PSMA1: variants seen among roughly 807,000 people sequenced by gnomAD.
PSMA1 encodes proteasome subunit alpha type-1.
PSMA1 carries 3 observed loss-of-function variants against 38.4 expected under a neutral mutation model. The ratio of observed to expected loss-of-function variants is 0.08; its 90% CI spans 0.04 to 0.20. The LOEUF is 0.20. PSMA1 is among the 10% of genes least tolerant of loss of function. The pLI, the probability that PSMA1 is intolerant of heterozygous loss-of-function variation, is 1.00. For missense variants in PSMA1, 227 were observed against 325.3 expected (o/e 0.70, Z 2.32); for synonymous variants, 101 against 107.1 (o/e 0.94, Z 0.35).
chr11:14,632,568 A>T lies in PSMA1; in HGVS notation c.-166+10887T>A, dbSNP rs567117373. On this transcript the variant is annotated intron_variant, in intron 1 of 10. Transcript: ENST00000418988. The stretch of plus-strand genomic sequence containing the variant: ...GTCTGATGGGCTTCCCTTTGAGGGT[A>T]ACCCGACCTTTCTCTTTGGCTGCCC... Among the ~76,000 whole-genome samples, 10 of 151,380 alleles carry T rather than the reference A, an allele frequency of 6.6e-5. No homozygotes were observed. In the South Asian group the frequency reaches 1.9e-3, roughly 29 times the overall value.
intron 1 of PSMA1, among the ~76,000 whole-genome samples, chr11:14,617,428 G>A (rs1437702621): frequency 1.3e-5 from 2 of 152,082 alleles, no homozygotes; most frequent in Non-Finnish European, 2.9e-5. Flanking sequence ...CTTAACAGCA[G>A]AAATCTTTTT....
chr11:14,593,206 G>A (rs1565053100), intron 2 of PSMA1, among the ~76,000 whole-genome samples: 2 of 152,176 alleles, frequency 1.3e-5, no homozygotes, highest in South Asian at 4.1e-4. Context: ...TAGCTAGAAA[G>A]TGGCAGAGCC....
intron 4 of PSMA1, among the ~76,000 whole-genome samples, chr11:14,514,855 T>C (rs959633275): frequency 6.6e-6 from 1 of 152,208 alleles, no homozygotes; most frequent in African/African-American, 2.4e-5. Flanking sequence ...AAAGATTATC[T>C]ACTCTGTCCT....
intron 1 of PSMA1, among the ~76,000 whole-genome samples, chr11:14,633,690 T>C (rs560654345): frequency 5.7e-4 from 87 of 152,302 alleles, no homozygotes; most frequent in African/African-American, 2.0e-3. Context: ...CTGGCTGCTT[T>C]GTTTACCTAA....
intron 4 of PSMA1, 54 bp downstream of exon 4, chr11:14,517,588 A>G: frequency 7.3e-7 from 1 of 1,373,218 alleles, no homozygotes; most frequent in Non-Finnish European, 9.9e-7. Flanking sequence ...CTTTTTGAGA[A>G]AACTAATCAA....
intron 2 of PSMA1, among the ~76,000 whole-genome samples, chr11:14,600,478 T>C (rs556271769): frequency 6.6e-6 from 1 of 152,308 alleles, no homozygotes; most frequent in South Asian, 2.1e-4. Flanking sequence ...GCCAGGCTGC[T>C]GTCTCGCAGA....
At chr11:14,595,761 T>C (rs1852483119) in intron 2 of PSMA1, among the ~76,000 whole-genome samples, 1 of 152,238 alleles carries the variant, frequency 6.6e-6, no homozygotes, top group Non-Finnish European at 1.5e-5. Context: ...ATCTCATTTG[T>C]CAATTTTGGC....
upstream of PSMA1, among the ~76,000 whole-genome samples, chr11:14,524,797 C>T (rs1851569108): frequency 6.6e-6 from 1 of 152,166 alleles, no homozygotes; most frequent in South Asian, 2.1e-4. Flanking sequence ...GGTCCTCAGA[C>T]CAACCAGCCC....
intron 2 of PSMA1, among the ~76,000 whole-genome samples, chr11:14,557,558 A>G (rs780925089): frequency 4.0e-5 from 6 of 151,794 alleles, no homozygotes; most frequent in Non-Finnish European, 7.4e-5. Flanking sequence ...TAATTTTTCT[A>G]CTCAATTTTA....
At chr11:14,597,073 C>T (rs1852506079) in intron 2 of PSMA1, among the ~76,000 whole-genome samples, 2 of 152,148 alleles carry the variant, frequency 1.3e-5, no homozygotes, top group Admixed American at 1.3e-4. Context: ...ATTGAACCAG[C>T]CTTGCATCCC....
At chr11:14,552,170 T>G (rs897639573) in intron 2 of PSMA1, among the ~76,000 whole-genome samples, 1 of 152,122 alleles carries the variant, frequency 6.6e-6, no homozygotes, top group Non-Finnish European at 1.5e-5. Context: ...CACAGAAAGA[T>G]AGCAAGACCT....
intron 1 of PSMA1, among the ~76,000 whole-genome samples, chr11:14,612,575 T>C (rs945460272): frequency 2.6e-5 from 4 of 152,180 alleles, no homozygotes; most frequent in African/African-American, 7.2e-5. Context: ...TTCATTCTAC[T>C]AGCAACTGAT....
At position 14,505,777 on chromosome 11, in the gene PSMA1, T is replaced by G. The variant is rs139539729; in HGVS notation, c.736-529A>C. 2.6e-5 allele frequency among the ~76,000 whole-genome samples: 4 copies of G among 152,166 alleles called. No homozygotes were observed. The East Asian group carries it at 5.8e-4, about 22-fold the overall frequency. ...CCCAACACTCTGGGAGGCTGAGGCA[T>G]GAGGATTGCTTAAGCCCAGGAGTTT... On this transcript the variant is annotated intron_variant, in intron 9 of 9. Transcript: ENST00000396394.
At chr11:14,602,815 G>A (rs1427245327) in intron 2 of PSMA1, among the ~76,000 whole-genome samples, 1 of 152,188 alleles carries the variant, frequency 6.6e-6, no homozygotes, top group Non-Finnish European at 1.5e-5. Flanking sequence ...TGTTTCTCAT[G>A]GATTAGGTGT....
chr11:14,509,795 C>G lies in PSMA1; in HGVS notation c.624+1077G>C, dbSNP rs370383511. Among the ~76,000 whole-genome samples, 848 of 150,194 alleles carry G rather than the reference C, an allele frequency of 5.6e-3. 26 individuals are homozygous for G. The highest frequency in any genetic ancestry group is 0.023 in the East Asian group (114 of 5,066). On this transcript the variant is annotated intron_variant, in intron 8 of 9. Transcript: ENST00000396394. ...CTGGAGTGCAGTGGCGCAATCTCAG[C>G]TCACTGCAAGCTCCACCTCCCAGGT...
chr11:14,601,761 A>G (rs751181601), intron 2 of PSMA1, among the ~76,000 whole-genome samples: 16 of 152,198 alleles, frequency 1.1e-4, no homozygotes, highest in Non-Finnish European at 1.8e-4. Flanking sequence ...CCGAGGCCAT[A>G]TATCTAGTAA....
chr11:14,509,837 C>T (rs1390777311), intron 8 of PSMA1, among the ~76,000 whole-genome samples: 1 of 151,762 alleles, frequency 6.6e-6, no homozygotes, highest in Non-Finnish European at 1.5e-5. Flanking sequence ...CATTCTCCTG[C>T]CTCAGCCTCC....
In PSMA1 at chr11:14,517,402, A is replaced by G. The variant is rs558259387; in HGVS notation, c.254+240T>C. 1.2e-4 allele frequency among the ~76,000 whole-genome samples: 18 copies of G among 152,372 alleles called. No homozygotes were observed. In the South Asian group the frequency reaches 3.7e-3, roughly 32 times the overall value. On this transcript the variant is annotated intron_variant, in intron 4 of 9. Transcript: ENST00000396394. ...GTCTCAAACGATATACATTGTATTA[A>G]CAAACATCACATTACTCAGTGACTT...
At chr11:14,550,153 T>C (rs1205749149) in intron 2 of PSMA1, among the ~76,000 whole-genome samples, 1 of 152,138 alleles carries the variant, frequency 6.6e-6, no homozygotes, top group Non-Finnish European at 1.5e-5. Flanking sequence ...ACAACTAGCT[T>C]ATTATTATTA....
Sources: gnomAD v4.1 joint callset for allele counts (sites outside exome capture counted in the v4.1 genomes callset) on GRCh38, gnomAD v4.1.1 for gene constraint, MANE v1.5 for transcripts, NCBI Gene and HGNC (gene_info 2026-07-23, HGNC 2026-07-21) for gene names.